Variants in PHACTR3 observed in about 807,000 individuals in gnomAD.
PHACTR3 encodes phosphatase and actin regulator 3.
Under a neutral mutation model 66.8 loss-of-function variants are expected in PHACTR3, and 16 were observed. The ratio of observed to expected loss-of-function variants is 0.24; its 90% CI spans 0.16 to 0.36. The LOEUF (loss-of-function observed/expected upper bound fraction) is 0.36. PHACTR3 is among the 10% of genes least tolerant of loss of function. The pLI, the probability that PHACTR3 is intolerant of heterozygous loss-of-function variation, is 1.00. For missense variants in PHACTR3, 647 were observed against 719.9 expected (o/e 0.90, Z 1.16); for synonymous variants, 323 against 292.1 (o/e 1.11, Z -1.08).
chr20:59,637,418 C>G (rs2034935390), intron 1 of PHACTR3, among the ~76,000 whole-genome samples: 1 of 152,210 alleles, frequency 6.6e-6, no homozygotes, highest in African/African-American at 2.4e-5. Context: ...TGTTTTACCT[C>G]TAGCCATGCT....
At chr20:59,741,076 C>T (rs1385882299) in intron 1 of PHACTR3, among the ~76,000 whole-genome samples, 2 of 152,240 alleles carry the variant, frequency 1.3e-5, no homozygotes, top group Non-Finnish European at 2.9e-5. Flanking sequence ...TGGTGGTCTC[C>T]TTCCCTGTCC....
intron 1 of PHACTR3, among the ~76,000 whole-genome samples, chr20:59,649,206 A>G (rs2035382602): frequency 1.3e-5 from 2 of 152,380 alleles, no homozygotes; most frequent in Admixed American, 6.5e-5. Flanking sequence ...CAAATAGCAA[A>G]TAACTCATCT....
intron 3 of PHACTR3, among the ~76,000 whole-genome samples, chr20:59,748,533 C>T (rs2039455743): frequency 6.6e-6 from 1 of 152,220 alleles, no homozygotes; most frequent in South Asian, 2.1e-4. Flanking sequence ...TATTATCACT[C>T]ATGCAATTAA....
chr20:59,618,212 T>A (rs954332015), intron 1 of PHACTR3, among the ~76,000 whole-genome samples: 1 of 151,194 alleles, frequency 6.6e-6, no homozygotes, highest in African/African-American at 2.4e-5. Flanking sequence ...GAAGCAGGAG[T>A]ATGGCGGGAT....
intron 1 of PHACTR3, among the ~76,000 whole-genome samples, chr20:59,609,979 G>A (rs2033799358): frequency 6.6e-6 from 1 of 152,164 alleles, no homozygotes; most frequent in African/African-American, 2.4e-5. Context: ...TCCTAGCTGG[G>A]CATGGTGGTC....
At chr20:59,625,353 C>T (rs1013681274) in intron 1 of PHACTR3, among the ~76,000 whole-genome samples, 5 of 151,776 alleles carry the variant, frequency 3.3e-5, no homozygotes, top group Admixed American at 1.3e-4. Flanking sequence ...GGGGTTTGCC[C>T]GGCAGGCAGC....
chr20:59,670,733 G>A (rs2036168875), intron 1 of PHACTR3, among the ~76,000 whole-genome samples: 1 of 152,136 alleles, frequency 6.6e-6, no homozygotes, highest in Admixed American at 6.5e-5. Flanking sequence ...GTGACAGCAC[G>A]TGGTGCTTGT....
chr20:59,650,793 G>A (rs556868767), intron 1 of PHACTR3, among the ~76,000 whole-genome samples: 2 of 149,802 alleles, frequency 1.3e-5, no homozygotes, highest in South Asian at 2.1e-4. Context: ...GGGACAGACC[G>A]TTGATAGTGG....
intron 1 of PHACTR3, among the ~76,000 whole-genome samples, chr20:59,622,310 C>T (rs1241253103): frequency 6.6e-6 from 1 of 152,136 alleles, no homozygotes. Flanking sequence ...CTGTGCCTGG[C>T]CAACCTCTGT....
intron 7 of PHACTR3, among the ~76,000 whole-genome samples, chr20:59,801,668 A>G (rs1391427073): frequency 6.6e-6 from 1 of 152,172 alleles, no homozygotes. Flanking sequence ...GCAGCTTTTG[A>G]GTTTGTATAT....
At chr20:59,799,738 A>C (rs2041358496) in intron 7 of PHACTR3, among the ~76,000 whole-genome samples, 1 of 152,054 alleles carries the variant, frequency 6.6e-6, no homozygotes, top group Non-Finnish European at 1.5e-5. Flanking sequence ...GTTTTGTCTC[A>C]TGTTTTAATC....
At chr20:59,600,902 C>T (rs939869977), upstream of PHACTR3, among the ~76,000 whole-genome samples, 1 of 151,008 alleles carries the variant, frequency 6.6e-6, no homozygotes, top group Non-Finnish European at 1.5e-5. Flanking sequence ...AGAGGCAGAA[C>T]CCAATCCTCC....
intron 1 of PHACTR3, among the ~76,000 whole-genome samples, chr20:59,666,623 A>G (rs1382569433): frequency 3.9e-5 from 6 of 152,138 alleles, no homozygotes; most frequent in African/African-American, 1.4e-4. Flanking sequence ...AGACAGAGAC[A>G]GAGGAAGAAA....
intron 7 of PHACTR3, among the ~76,000 whole-genome samples, chr20:59,801,997 A>G (rs1341242101): frequency 1.3e-5 from 2 of 152,194 alleles, no homozygotes; most frequent in African/African-American, 2.4e-5. Flanking sequence ...AACTGAGCAG[A>G]GCCACGAATG....
intron 9 of PHACTR3, among the ~76,000 whole-genome samples, chr20:59,838,055 C>T (rs143111393): frequency 6.6e-6 from 1 of 152,086 alleles, no homozygotes; most frequent in Non-Finnish European, 1.5e-5. Context: ...ACCTTCAGTG[C>T]ATGAAAGGGA....
chr20:59,590,460 G>T (rs907536347), intron 1 of PHACTR3, among the ~76,000 whole-genome samples: 8 of 152,248 alleles, frequency 5.3e-5, no homozygotes, highest in African/African-American at 1.9e-4. Context: ...CAGCATTCGT[G>T]GTGCCTGTTT....
chr20:59,839,359 C>G (rs2145505336), intron 9 of PHACTR3, among the ~76,000 whole-genome samples: 1 of 152,328 alleles, frequency 6.6e-6, no homozygotes, highest in African/African-American at 2.4e-5. Flanking sequence ...ATATTAAACT[C>G]TCATATAACC....
chr20:59,842,912 C>A (rs2059090091), intron 11 of PHACTR3, among the ~76,000 whole-genome samples: 1 of 152,002 alleles, frequency 6.6e-6, no homozygotes, highest in Non-Finnish European at 1.5e-5. Flanking sequence ...GAAAGGGCAT[C>A]CAAACTGGAA....
At position 59,847,273 on chromosome 20, in the gene PHACTR3, T is replaced by A. The variant is rs2059167663; in HGVS notation, c.*143T>A. On this transcript the variant is annotated 3_prime_UTR_variant, in exon 13 of 13. Transcript: ENST00000371015. Reference sequence around the variant, plus strand: ...AGTAGGATCACACACACAGGTGCAATCTTGACCACACTTACCTGCAAGAGG... The same window carrying A: ...AGTAGGATCACACACACAGGTGCAAACTTGACCACACTTACCTGCAAGAGG... 3.7e-6 allele frequency: 2 copies of A among 544,518 alleles called. No individual in the cohort carries two copies. The highest frequency in any genetic ancestry group is 6.7e-6 in the Non-Finnish European group (2 of 300,060). The allele number at this position is 544,518 out of a possible 1,614,324, so 33.7% of individuals were successfully genotyped here.
Sources: gnomAD v4.1 joint callset for allele counts (sites outside exome capture counted in the v4.1 genomes callset) on GRCh38, gnomAD v4.1.1 for gene constraint, MANE v1.5 for transcripts, NCBI Gene and HGNC (gene_info 2026-07-23, HGNC 2026-07-21) for gene names.